The following KIAA1328 variants were observed in gnomAD, a reference collection of about 807,000 sequenced individuals.
KIAA1328 encodes protein hinderin.
In KIAA1328, 52 loss-of-function variants were observed where a neutral mutation model predicts 68.1. The ratio of observed to expected loss-of-function variants is 0.76; its 90% CI spans 0.61 to 0.96. The LOEUF is 0.96. Among genes scored for constraint, KIAA1328 ranks in the 40% least tolerant of loss-of-function variants. The pLI is 0.00. For missense variants in KIAA1328, 641 were observed against 677.6 expected, an observed-to-expected ratio of 0.95 and a Z score of 0.60; for synonymous variants, 232 against 239.4, an observed-to-expected ratio of 0.97 and a Z score of 0.28.
intron 7 of KIAA1328, among the ~76,000 whole-genome samples, chr18:37,112,289 A>T (rs1199746415): frequency 6.6e-6 from 1 of 152,182 alleles, no homozygotes. Context: ...GCCGACTGAT[A>T]CTTCATACAG....
At chr18:37,115,526 G>A (rs1234435169) in intron 7 of KIAA1328, among the ~76,000 whole-genome samples, 1 of 152,116 alleles carries the variant, frequency 6.6e-6, no homozygotes, top group Non-Finnish European at 1.5e-5. Context: ...GAAATAATAA[G>A]AGCTATTTAT....
At chr18:37,045,824 A>G (rs181606603) in intron 6 of KIAA1328, among the ~76,000 whole-genome samples, 34 of 152,318 alleles carry the variant, frequency 2.2e-4, no homozygotes, top group Admixed American at 1.4e-3. Context: ...CACAAATATG[A>G]AAGAATAGCA....
chr18:37,067,502 C>T lies in KIAA1328; in HGVS notation c.1189C>T (p.Leu397=). 1.9e-6 allele frequency: 3 copies of T among 1,542,932 alleles called. No homozygotes were observed. The highest frequency in any genetic ancestry group is 2.6e-6 in the Non-Finnish European group (3 of 1,147,146). The change falls in exon 7 of 10, where the codon CTA becomes TTA. Residue 397 remains leucine (L), a synonymous_variant. Transcript: ENST00000280020. The stretch of plus-strand genomic sequence containing the variant: ...GGCCCAGCAGGAGACAAAGCTTCTT[C>T]TAAAACAGCAGCAGCTTCACCAGTC... ...LLAQQETKLL[L]KQQQLHQSRL...
At chr18:36,839,238 C>T (rs2046780785) in intron 3 of KIAA1328, among the ~76,000 whole-genome samples, 1 of 152,166 alleles carries the variant, frequency 6.6e-6, no homozygotes, top group Non-Finnish European at 1.5e-5. Flanking sequence ...ATCCTCTGTT[C>T]ATATTTTTTT....
chr18:37,200,533 C>T (rs539818901), intron 9 of KIAA1328, among the ~76,000 whole-genome samples: 5 of 152,158 alleles, frequency 3.3e-5, no homozygotes, highest in South Asian at 2.1e-4. Flanking sequence ...AGCTGTCGGC[C>T]GGGCGCGGTG....
intron 6 of KIAA1328, among the ~76,000 whole-genome samples, chr18:36,974,801 G>T (rs1247773944): frequency 2.6e-5 from 4 of 152,160 alleles, no homozygotes; most frequent in Admixed American, 2.6e-4. Flanking sequence ...CATCACAGAA[G>T]GATTTTTCTA....
At chr18:37,036,643 T>C (rs1226273327) in intron 6 of KIAA1328, among the ~76,000 whole-genome samples, 2 of 152,200 alleles carry the variant, frequency 1.3e-5, no homozygotes, top group Non-Finnish European at 2.9e-5. Flanking sequence ...CTCTTTTTAT[T>C]TGGGGTCATT....
At chr18:36,862,129 TA>T (rs60136322) in intron 4 of KIAA1328, among the ~76,000 whole-genome samples, 61,013 of 151,980 alleles carry the variant, frequency 0.4, 14,002 homozygotes, top group African/African-American at 0.63. Flanking sequence ...ACCCAGTTTT[TA>T]ACCAATGGTA....
intron 9 of KIAA1328, among the ~76,000 whole-genome samples, chr18:37,219,975 A>G (rs947309793): frequency 4.6e-5 from 7 of 151,914 alleles, no homozygotes; most frequent in Non-Finnish European, 1.0e-4. Flanking sequence ...GTATCCCCCA[A>G]TTTTTTCTAA....
intron 7 of KIAA1328, among the ~76,000 whole-genome samples, chr18:37,104,021 A>G (rs750345030): frequency 6.6e-6 from 1 of 152,200 alleles, no homozygotes; most frequent in Non-Finnish European, 1.5e-5. Flanking sequence ...GACATAACAA[A>G]TGTTGGCAAG....
At chr18:37,084,318 G>A (rs748299754) in intron 7 of KIAA1328, 51 of 598,268 alleles carry the variant, frequency 8.5e-5, no homozygotes, top group Non-Finnish European at 1.1e-4. Context: ...GCTCTATGTT[G>A]ATTAATACAG....
At chr18:36,895,689 A>G (rs2048845147) in intron 5 of KIAA1328, 2 of 452,952 alleles carry the variant, frequency 4.4e-6, no homozygotes, top group Admixed American at 2.4e-5. Flanking sequence ...TTTGCGATGG[A>G]CTGAATTGTG....
chr18:36,893,465 T>TGTGTGTG lies in KIAA1328; in HGVS notation c.448+7793_448+7794insGTGTGTG, dbSNP rs1556812094. 8.2e-4 allele frequency among the ~76,000 whole-genome samples: 99 copies of TGTGTGTG among 120,648 alleles called. 1 individual carries two copies. The highest frequency in any genetic ancestry group is 1.2e-3 in the African/African-American group (38 of 30,468). The allele number at this position is 120,648 out of a possible 152,430, so 79.1% of individuals were successfully genotyped here. A position where few individuals can be genotyped will look rare whatever the true frequency, so the allele number is the denominator to read the frequency against. ...TGTGTGTGTGTGTGTGTGTGTGTTTTTGTGTGTGTGTGTGTGTGTGTGTGT... is the reference window on the plus strand; with the variant it reads ...TGTGTGTGTGTGTGTGTGTGTGTTTTGTGTGTGTGTGTGTGTGTGTGTGTGTGTGTGT... On this transcript the variant is annotated intron_variant, in intron 5 of 9. Coordinates refer to ENST00000280020, the MANE Select transcript of KIAA1328 (RefSeq NM_020776.3).
In KIAA1328 at chr18:37,224,848, A is replaced by T. The variant is rs2060619451; in HGVS notation, c.*2621A>T. On this transcript the variant is annotated 3_prime_UTR_variant, in exon 10 of 10. Coordinates refer to ENST00000280020, the MANE Select transcript of KIAA1328 (RefSeq NM_020776.3). ...CCCTGCTGCCCAACTCCTGTGAGAGAAAAACCAATCAATGTTTACAAAATG... is the reference window on the plus strand; with the variant it reads ...CCCTGCTGCCCAACTCCTGTGAGAGTAAAACCAATCAATGTTTACAAAATG... 1.0e-5 allele frequency: 10 copies of T among 985,468 alleles called. No homozygotes were observed. The highest frequency in any genetic ancestry group is 1.1e-5 in the Non-Finnish European group (9 of 829,972). 61.0% of individuals were successfully genotyped at this position (985,468 alleles called of 1,614,324 possible).
chr18:37,153,273 C>T (rs1394220750), intron 7 of KIAA1328, among the ~76,000 whole-genome samples: 1 of 152,132 alleles, frequency 6.6e-6, no homozygotes, highest in Admixed American at 6.5e-5. Flanking sequence ...ACCTATTAAA[C>T]CCCCACTCTT....
At chr18:37,143,521 C>CTTTTTTTTTTTTTTT (rs57046567) in intron 7 of KIAA1328, among the ~76,000 whole-genome samples, 324 of 90,762 alleles carry the variant, frequency 3.6e-3, no homozygotes, top group African/African-American at 0.013. Context: ...TTTTTTCTTT[C>CTTTTTTTTTTTTTTT]TTTTTTTTTT....
intron 7 of KIAA1328, among the ~76,000 whole-genome samples, chr18:37,142,999 G>A (rs1482732179): frequency 6.7e-6 from 1 of 148,240 alleles, no homozygotes; most frequent in Non-Finnish European, 1.5e-5. Flanking sequence ...CTGTCCCCCA[G>A]CCTGGAGTGA....
chr18:36,904,335 C>G (rs2049142142), intron 5 of KIAA1328, among the ~76,000 whole-genome samples: 1 of 152,070 alleles, frequency 6.6e-6, no homozygotes, highest in South Asian at 2.1e-4. Flanking sequence ...ATTAATATCT[C>G]TGAGTGTAAT....
chr18:37,194,076 A>G (rs906179102), intron 9 of KIAA1328, among the ~76,000 whole-genome samples: 2 of 152,236 alleles, frequency 1.3e-5, no homozygotes, highest in African/African-American at 4.8e-5. Flanking sequence ...GCTGCAATGA[A>G]TATTCCTATA....
Sources: gnomAD v4.1 joint callset for allele counts (sites outside exome capture counted in the v4.1 genomes callset) on GRCh38, gnomAD v4.1.1 for gene constraint, MANE v1.5 for transcripts, NCBI Gene and HGNC (gene_info 2026-07-23, HGNC 2026-07-21) for gene names.